CCSER2: variants seen among roughly 807,000 people sequenced by gnomAD.
CCSER2 encodes serine-rich coiled-coil domain-containing protein 2.
Under a neutral mutation model 92.3 loss-of-function variants are expected in CCSER2, and 46 were observed. That is an observed-to-expected ratio of 0.50 (90% confidence interval 0.39 to 0.64). The LOEUF (loss-of-function observed/expected upper bound fraction) is 0.64. CCSER2 is among the 30% of genes least tolerant of loss of function. CCSER2 has a pLI of 0.00. For missense variants in CCSER2, 1,244 were observed against 1,238.9 expected (o/e 1.00, Z -0.06); for synonymous variants, 433 against 431.4 (o/e 1.00, Z -0.04).
chr10:84,469,655 A>G (rs1022974032), intron 7 of CCSER2, among the ~76,000 whole-genome samples: 1 of 152,134 alleles, frequency 6.6e-6, no homozygotes, highest in African/African-American at 2.4e-5. Context: ...AATGAAACAC[A>G]AACAACATGG....
At chr10:84,369,460 C>A (rs1381952437) in intron 1 of CCSER2, among the ~76,000 whole-genome samples, 2 of 151,616 alleles carry the variant, frequency 1.3e-5, no homozygotes, top group South Asian at 4.2e-4. Flanking sequence ...TCATTGTATA[C>A]CTTCTTTTGA....
At chr10:84,421,982 G>A (rs1344433075) in intron 4 of CCSER2, among the ~76,000 whole-genome samples, 1 of 152,186 alleles carries the variant, frequency 6.6e-6, no homozygotes, top group Admixed American at 6.5e-5. Flanking sequence ...TGCCTCCCAG[G>A]TATGGTGCAG....
intron 5 of CCSER2, among the ~76,000 whole-genome samples, chr10:84,434,102 A>G (rs577999913): frequency 6.6e-6 from 1 of 152,186 alleles, no homozygotes; most frequent in South Asian, 2.1e-4. Flanking sequence ...AAATGTATCA[A>G]CTTAATGTGG....
intron 9 of CCSER2, among the ~76,000 whole-genome samples, chr10:84,481,110 T>A (rs530460507): frequency 1.3e-5 from 2 of 152,126 alleles, no homozygotes; most frequent in Non-Finnish European, 2.9e-5. Flanking sequence ...AAGTGTTTGA[T>A]GTCATTAGTT....
At chr10:84,490,951 T>C (rs932284760) in intron 9 of CCSER2, among the ~76,000 whole-genome samples, 4 of 152,220 alleles carry the variant, frequency 2.6e-5, no homozygotes, top group Admixed American at 2.6e-4. Flanking sequence ...TTAGTTTTCC[T>C]TCTAATAGTC....
chr10:84,420,016 G>A (rs938346505), intron 4 of CCSER2, among the ~76,000 whole-genome samples: 3 of 152,218 alleles, frequency 2.0e-5, no homozygotes, highest in African/African-American at 7.2e-5. Context: ...TTTAGGGCTG[G>A]TAGTGAGGAG....
rs1328381690 is a variant in CCSER2, at chr10:84,505,042, A to G, written c.2326-8407A>G. On this transcript the variant is annotated intron_variant, in intron 9 of 9. Coordinates refer to ENST00000372088, the MANE Select transcript of CCSER2 (RefSeq NM_001284240.2). ...GAGGAATTAGAAGAAACATTTTGGT[A>G]TATTTCCTTTCAGTCTTTTAAATAT... Among the ~76,000 whole-genome samples the G allele has an allele frequency of 2.0e-5, 3 of 152,270 alleles. No homozygotes were observed. The East Asian group carries it at 5.8e-4, about 29-fold the overall frequency.
intron 6 of CCSER2, among the ~76,000 whole-genome samples, chr10:84,439,826 G>A (rs1442417835): frequency 6.6e-6 from 1 of 152,198 alleles, no homozygotes; most frequent in Non-Finnish European, 1.5e-5. Context: ...TTACAGCCTA[G>A]TTCAACTGTA....
chr10:84,455,259 TTTTTTCTTTTTC>T lies in CCSER2; in HGVS notation c.2065-8656_2065-8645del, dbSNP rs754937560. ...ACCTTGTGTTTTCCACTTTCTTTCT[TTTTTTCTTTTTC>T]TTTTTCTTTTTCTTTTTTTTTTTTT... On this transcript the variant is annotated intron_variant, in intron 6 of 9. Coordinates refer to ENST00000372088, the MANE Select transcript of CCSER2 (RefSeq NM_001284240.2). 2.9e-3 allele frequency: 486 copies of T among 168,958 alleles called. 1 individual carries two copies. Among genetic ancestry groups the T allele is most frequent in the South Asian group, 6.8e-3 (43 of 6,328 alleles). 10.5% of individuals were successfully genotyped at this position (168,958 alleles called of 1,614,324 possible). A position where few individuals can be genotyped will look rare whatever the true frequency, so the allele number is the denominator to read the frequency against.
intron 4 of CCSER2, among the ~76,000 whole-genome samples, chr10:84,423,974 C>T (rs979485674): frequency 7.1e-6 from 1 of 140,666 alleles, no homozygotes; most frequent in African/African-American, 2.8e-5. Context: ...TAGCAAGTCC[C>T]CATCTCTTAA....
chr10:84,433,212 TAAA>T (rs1255142653), intron 5 of CCSER2, among the ~76,000 whole-genome samples: 1 of 152,222 alleles, frequency 6.6e-6, no homozygotes. Context: ...CCTGTTCTAA[TAAA>T]GAATTTAGAA....
intron 5 of CCSER2, among the ~76,000 whole-genome samples, chr10:84,432,714 C>G (rs150398483): frequency 2.6e-5 from 4 of 152,232 alleles, no homozygotes; most frequent in Admixed American, 1.3e-4. Flanking sequence ...GACAGATTTT[C>G]AAAAATTTTT....
chr10:84,396,779 G>T (rs763502498), intron 3 of CCSER2, among the ~76,000 whole-genome samples: 5 of 151,944 alleles, frequency 3.3e-5, no homozygotes, highest in Admixed American at 2.0e-4. Flanking sequence ...TTAAGTGATC[G>T]ACCCGTCTTG....
rs569523053 is a variant in CCSER2 at position 84,500,097 on chromosome 10, G to T, written c.2326-13352G>T. Reference sequence around the variant, plus strand: ...GGCATCTGCTAAAGCAGCACTCTCTGTGGTCTCCTCTCTTAACACTTCCTT... The same window carrying T: ...GGCATCTGCTAAAGCAGCACTCTCTTTGGTCTCCTCTCTTAACACTTCCTT... On this transcript the variant is annotated intron_variant, in intron 9 of 9. Coordinates refer to ENST00000372088, the MANE Select transcript of CCSER2 (RefSeq NM_001284240.2). 2.4e-3 allele frequency: 2,788 copies of T among 1,148,808 alleles called. 15 individuals are homozygous for T. The highest frequency in any genetic ancestry group is 0.016 in the South Asian group (1,070 of 66,896). The allele number at this position is 1,148,808 out of a possible 1,614,324, so 71.2% of individuals were successfully genotyped here. A position where few individuals can be genotyped will look rare whatever the true frequency, so the allele number is the denominator to read the frequency against.
intron 6 of CCSER2, among the ~76,000 whole-genome samples, chr10:84,439,427 C>G (rs147388835): frequency 6.6e-6 from 1 of 152,246 alleles, no homozygotes; most frequent in African/African-American, 2.4e-5. Context: ...TGTAGAATAG[C>G]CAACTTTAGC....
At chr10:84,344,023 C>T (rs760738558) in intron 1 of CCSER2, among the ~76,000 whole-genome samples, 1 of 152,200 alleles carries the variant, frequency 6.6e-6, no homozygotes, top group Admixed American at 6.5e-5. Flanking sequence ...AAGATACTGG[C>T]ATAATATGCT....
intron 6 of CCSER2, among the ~76,000 whole-genome samples, chr10:84,439,903 T>G (rs561666521): frequency 1.1e-4 from 17 of 152,260 alleles, no homozygotes; most frequent in African/African-American, 2.9e-4. Flanking sequence ...ATTTTTTGAT[T>G]AGGAGTTTTA....
chr10:84,374,931 AT>A (rs202067755), intron 3 of CCSER2, among the ~76,000 whole-genome samples: 2 of 152,058 alleles, frequency 1.3e-5, no homozygotes, highest in African/African-American at 4.8e-5. Flanking sequence ...TTGCACAAAC[AT>A]TTTTTTTAAC....
At chr10:84,365,567 C>T (rs1845735422) in intron 1 of CCSER2, among the ~76,000 whole-genome samples, 1 of 152,170 alleles carries the variant, frequency 6.6e-6, no homozygotes, top group South Asian at 2.1e-4. Context: ...CGTTATTCTT[C>T]ATAGAGAATA....
Sources: allele counts gnomAD v4.1 joint callset (sites outside exome capture counted in the v4.1 genomes callset), GRCh38; gene constraint gnomAD v4.1.1; transcripts MANE v1.5; gene names NCBI Gene and HGNC (gene_info 2026-07-23, HGNC 2026-07-21).